The following SRGAP2C variants were observed in gnomAD, a reference collection of about 807,000 sequenced individuals.
SRGAP2C encodes SLIT-ROBO Rho GTPase-activating protein 2C.
Under a neutral mutation model 25.1 loss-of-function variants are expected in SRGAP2C, and 15 were observed. The ratio of observed to expected loss-of-function variants is 0.60; its 90% confidence interval spans 0.40 to 0.92. The LOEUF is 0.92. SRGAP2C is among the 40% of genes least tolerant of loss of function. SRGAP2C has a pLI of 0.00. For synonymous variants in SRGAP2C, 44 were observed against 96.6 expected (o/e 0.46, Z 3.19); for missense variants, 144 against 264.4 (o/e 0.54, Z 3.16).
chr1:121,347,848 A>T (rs1553344397), intron 4 of SRGAP2C, among the ~76,000 whole-genome samples: 2 of 149,532 alleles, frequency 1.3e-5, no homozygotes, highest in East Asian at 4.1e-4. Context: ...TGTCCCCAGG[A>T]TTTGGGGGGT....
intron 2 of SRGAP2C, among the ~76,000 whole-genome samples, chr1:121,260,322 C>T (rs1445035181): frequency 2.6e-5 from 4 of 151,774 alleles, no homozygotes; most frequent in African/African-American, 7.3e-5. Context: ...AGTTTAAAGG[C>T]CTTAAGGTGG....
chr1:121,211,018 A>G (rs1250343611), intron 2 of SRGAP2C, among the ~76,000 whole-genome samples: 2 of 129,952 alleles, frequency 1.5e-5, no homozygotes, highest in African/African-American at 6.0e-5. Context: ...AAGGCCACTG[A>G]ATAAACAAAT....
intron 4 of SRGAP2C, among the ~76,000 whole-genome samples, chr1:121,353,054 C>T (rs1553346577): frequency 1.3e-5 from 2 of 150,618 alleles, no homozygotes; most frequent in African/African-American, 2.5e-5. Flanking sequence ...CAAGCCACTA[C>T]ACTCCAGCCT....
At position 121,222,765 on chromosome 1, in the gene SRGAP2C, C is replaced by A. The variant is rs587702434; in HGVS notation, c.67+35252C>A. On this transcript the variant is annotated intron_variant, in intron 2 of 9. Coordinates refer to ENST00000367123, the MANE Select transcript of SRGAP2C (RefSeq NM_001329984.2). ...CTACCATCAGACGGGAGTGGCTAGC[C>A]CTTGTTTTCATTTATGCAGACAGAC... Among the ~76,000 whole-genome samples, 123 of 152,162 alleles carry A rather than the reference C, an allele frequency of 8.1e-4. 2 individuals carry two copies. Among genetic ancestry groups the A allele is most frequent in the African/African-American group, 2.8e-3 (115 of 41,496 alleles).
At chr1:121,254,261 A>G (rs1485362551) in intron 2 of SRGAP2C, among the ~76,000 whole-genome samples, 1 of 126,894 alleles carries the variant, frequency 7.9e-6, no homozygotes, top group Non-Finnish European at 1.7e-5. Flanking sequence ...GGAAATCCCC[A>G]TCTTTCCCCA....
intron 2 of SRGAP2C, among the ~76,000 whole-genome samples, chr1:121,267,819 G>A (rs1173924435): frequency 1.4e-5 from 2 of 142,638 alleles, no homozygotes; most frequent in Admixed American, 7.1e-5. Flanking sequence ...ACTAGATAAT[G>A]CATCTCTCCT....
Position 121,284,945 on chromosome 1 carries a change from G to T in SRGAP2C, c.210G>T (p.Leu70=), listed in dbSNP as rs1428421026. The change falls in exon 3 of 10, where the codon CTG becomes CTT. Residue 70 remains leucine, a synonymous_variant. Transcript: ENST00000367123. ...ACTACTCCCGCAACCTGGAGAAGCTGGCAGAACACTTCCTGGCCAAGACAC... is the reference window on the plus strand; with the variant it reads ...ACTACTCCCGCAACCTGGAGAAGCTTGCAGAACACTTCCTGGCCAAGACAC... The part of the protein sequence containing the change: ...EMDYSRNLEK[L]AEHFLAKTRS... 2.2e-5 allele frequency: 34 copies of T among 1,548,182 alleles called. No homozygotes were observed. The highest frequency in any genetic ancestry group is 2.7e-5 in the Non-Finnish European group (31 of 1,145,618).
At chr1:121,230,763 T>A (rs1236585925) in intron 2 of SRGAP2C, among the ~76,000 whole-genome samples, 3 of 151,558 alleles carry the variant, frequency 2.0e-5, no homozygotes, top group Non-Finnish European at 4.4e-5. Flanking sequence ...CTATTCACAA[T>A]AACAAAGACT....
intron 4 of SRGAP2C, among the ~76,000 whole-genome samples, chr1:121,336,047 T>C (rs1359369324): frequency 4.0e-5 from 6 of 151,582 alleles, no homozygotes; most frequent in Non-Finnish European, 7.4e-5. Context: ...AAATACTGTA[T>C]ACTTAAGGCA....
chr1:121,279,633 T>C (rs1657196558), intron 2 of SRGAP2C, among the ~76,000 whole-genome samples: 1 of 147,796 alleles, frequency 6.8e-6, no homozygotes, highest in Non-Finnish European at 1.5e-5. Context: ...CTAGGACGAG[T>C]ATAGTTAGTG....
chr1:121,284,970 C>A lies in SRGAP2C; in HGVS notation c.235C>A (p.Arg79Ser), dbSNP rs1242779461. Residue 79 changes from arginine to serine, a missense_variant, in exon 3 of 10, where the codon CGC becomes AGC. Arg to Ser is a moderately radical substitution (Grantham distance 110, BLOSUM62 -1). This residue lies in a region of SRGAP2C where 61 missense variants were observed against 61.7 expected (regional missense o/e 0.99). Coordinates refer to ENST00000367123, the MANE Select transcript of SRGAP2C (RefSeq NM_001329984.2). ...KLAEHFLAKT[R>S]STKDQQFKKD... is the part of the protein sequence containing the mutation. ...GGCAGAACACTTCCTGGCCAAGACA[C>A]GCAGCACCAAGGACCAGCAATTCAA... is the stretch of plus-strand genomic sequence containing the variant. The A allele has an allele frequency of 3.0e-5, 46 of 1,542,782 alleles. 2 individuals carry two copies. Among genetic ancestry groups the A allele is most frequent in the Admixed American group, 2.0e-4 (10 of 49,916 alleles).
intron 8 of SRGAP2C, among the ~76,000 whole-genome samples, chr1:121,385,003 C>T (rs1358613797): frequency 2.0e-5 from 3 of 152,100 alleles, no homozygotes; most frequent in Non-Finnish European, 4.4e-5. Context: ...GAAGGTTCCG[C>T]ATTCTAGCCT....
intron 6 of SRGAP2C, 121 bp downstream of exon 6, chr1:121,374,307 C>T (rs1659576729): frequency 1.7e-6 from 1 of 579,798 alleles, no homozygotes; most frequent in Non-Finnish European, 3.1e-6. Context: ...CTTTTAGTGC[C>T]TAATGACTGA....
chr1:121,378,645 G>A (rs1295982727), intron 7 of SRGAP2C, among the ~76,000 whole-genome samples: 2 of 151,768 alleles, frequency 1.3e-5, no homozygotes, highest in Non-Finnish European at 2.9e-5. Flanking sequence ...TTGGCATCCT[G>A]ATCTTAACAT....
chr1:121,308,854 G>A (rs1177359634), intron 3 of SRGAP2C, among the ~76,000 whole-genome samples: 1 of 142,636 alleles, frequency 7.0e-6, no homozygotes, highest in East Asian at 2.1e-4. Context: ...CAGGAGAATC[G>A]CTTGAACCCA....
chr1:121,338,506 A>T (rs1658570355), intron 4 of SRGAP2C, among the ~76,000 whole-genome samples: 1 of 107,170 alleles, frequency 9.3e-6, no homozygotes. Context: ...TTTCTACTAG[A>T]TCCTACCTTT....
intron 3 of SRGAP2C, among the ~76,000 whole-genome samples, chr1:121,314,663 A>T (rs1570777940): frequency 2.0e-5 from 3 of 149,684 alleles, no homozygotes; most frequent in South Asian, 4.2e-4. Context: ...CCTCAGCTGC[A>T]GGTCTGTTGG....
At chr1:121,342,982 C>T (rs1486536959) in intron 4 of SRGAP2C, among the ~76,000 whole-genome samples, 20 of 142,276 alleles carry the variant, frequency 1.4e-4, no homozygotes, top group Admixed American at 6.4e-4. Flanking sequence ...AAATGCAGGA[C>T]GTGTTGACTG....
chr1:121,378,839 G>A (rs1282138826), intron 7 of SRGAP2C, among the ~76,000 whole-genome samples: 15 of 152,216 alleles, frequency 9.9e-5, no homozygotes, highest in African/African-American at 2.9e-4. Flanking sequence ...ACTAGCCTCC[G>A]ACTTCTTTTT....
Sources: gnomAD v4.1 joint callset for allele counts (sites outside exome capture counted in the v4.1 genomes callset) on GRCh38, gnomAD v4.1.1 for gene constraint, gnomAD v4.1.1 regional missense constraint, MANE v1.5 for transcripts, NCBI Gene and HGNC (gene_info 2026-07-23, HGNC 2026-07-21) for gene names.